The following IFT74 variants were observed in gnomAD, a reference collection of about 807,000 sequenced individuals.
The protein encoded by IFT74 is intraflagellar transport 74.
IFT74 carries 92 observed loss-of-function variants against 96.7 expected under a neutral mutation model. That is an observed-to-expected ratio of 0.95 (90% CI 0.80 to 1.13). The LOEUF (loss-of-function observed/expected upper bound fraction) is 1.13. Ranked by LOEUF, IFT74 falls within the 50% of genes most tolerant of loss-of-function variation. The pLI is 0.00. For missense variants in IFT74, 811 were observed against 698.2 expected (o/e 1.16, Z -1.82); for synonymous variants, 223 against 213.2 (o/e 1.05, Z -0.40).
intron 13 of IFT74, among the ~76,000 whole-genome samples, chr9:27,031,748 A>AAATAAAATAAAAT (rs1368788566): frequency 6.8e-6 from 1 of 146,358 alleles, no homozygotes; most frequent in East Asian, 2.0e-4. Context: ...AAATAAAATA[A>AAATAAAATAAAAT]AATAAAATAA....
At chr9:26,980,686 G>C (rs967767556) in intron 4 of IFT74, 67 bp downstream of exon 4, 3 of 1,019,904 alleles carry the variant, frequency 2.9e-6, no homozygotes, top group Non-Finnish European at 4.5e-6. Flanking sequence ...TGTCAAAATA[G>C]AGTATATAAC....
Position 26,948,448 on chromosome 9 carries a change from A to ATTTTTTTTTTTTTTTTTTTT in IFT74, c.-20+1323_-20+1342dup, listed in dbSNP as rs71841244. On this transcript the variant is annotated intron_variant, in intron 1 of 19. Transcript: ENST00000433700. ...TGACAACCTGTGATGGCTTTCCATTATTTTTTTTTTTTTTTTTTTTTTTTT... is the reference window on the plus strand; with the variant it reads ...TGACAACCTGTGATGGCTTTCCATTATTTTTTTTTTTTTTTTTTTTTTTTTTTTTTTTTTTTTTTTTTTTT... 2.5e-4 allele frequency among the ~76,000 whole-genome samples: 15 copies of ATTTTTTTTTTTTTTTTTTTT among 59,158 alleles called. 4 individuals carry two copies. Among genetic ancestry groups the ATTTTTTTTTTTTTTTTTTTT allele is most frequent in the Non-Finnish European group, 4.2e-4 (11 of 26,082 alleles). The allele number at this position is 59,158 out of a possible 152,430, so 38.8% of individuals were successfully genotyped here.
At chr9:26,965,243 T>C (rs1027568316) in intron 2 of IFT74, among the ~76,000 whole-genome samples, 5 of 152,150 alleles carry the variant, frequency 3.3e-5, no homozygotes, top group African/African-American at 1.2e-4. Context: ...AAAATGTCCA[T>C]AAATTTATCT....
intron 8 of IFT74, chr9:26,993,149 G>T: frequency 6.6e-6 from 1 of 151,882 alleles, no homozygotes; most frequent in Admixed American, 6.6e-5. Context: ...ATTTTTCTTT[G>T]TGTAGTCAGA....
chr9:27,014,893 T>G (rs1829270731), intron 10 of IFT74, among the ~76,000 whole-genome samples: 1 of 152,138 alleles, frequency 6.6e-6, no homozygotes, highest in African/African-American at 2.4e-5. Context: ...AGGCGTGAGC[T>G]ATCACGCCCA....
chr9:26,999,779 T>C, intron 8 of IFT74: 1 of 923,196 alleles, frequency 1.1e-6, no homozygotes, highest in Non-Finnish European at 1.5e-6. Context: ...TCTTTTTTTT[T>C]TTTTTTTTTT....
At position 27,026,177 on chromosome 9, in the gene IFT74, G is replaced by C. The variant is rs185249632; in HGVS notation, c.975-2848G>C. ...TGCAAATGGTCCCAAAAGCAAGTAG[G>C]AGTAGCTATTCTTATATTAGACAAA... On this transcript the variant is annotated intron_variant, in intron 12 of 19. Transcript: ENST00000380062. 5.9e-5 allele frequency among the ~76,000 whole-genome samples: 9 copies of C among 152,274 alleles called. No individual in the cohort carries two copies. In the South Asian group the frequency reaches 8.3e-4, roughly 14 times the overall value.
At chr9:27,006,601 AAGAC>A (rs1317273577) in intron 8 of IFT74, among the ~76,000 whole-genome samples, 6 of 149,208 alleles carry the variant, frequency 4.0e-5, no homozygotes, top group African/African-American at 1.5e-4. Context: ...TCAAGAAAGA[AAGAC>A]AGAAAGAGGG....
At chr9:26,954,365 C>G (rs888361699), upstream of IFT74, among the ~76,000 whole-genome samples, 2 of 152,192 alleles carry the variant, frequency 1.3e-5, no homozygotes, top group African/African-American at 4.8e-5. Context: ...AAACTTTAAC[C>G]AGTCAAATAA....
intron 12 of IFT74, among the ~76,000 whole-genome samples, chr9:27,020,982 C>G (rs1308333958): frequency 3.3e-5 from 5 of 152,132 alleles, no homozygotes; most frequent in Non-Finnish European, 7.4e-5. Flanking sequence ...CCTTTACGTC[C>G]TCATAGCTTA....
intron 1 of IFT74, chr9:26,947,524 A>T (rs1050661697): frequency 6.4e-6 from 1 of 155,134 alleles, no homozygotes; most frequent in African/African-American, 2.4e-5. Context: ...TGGCGTGGAC[A>T]TCCGGCGCGC....
At chr9:27,024,029 A>G (rs1296577019) in intron 12 of IFT74, among the ~76,000 whole-genome samples, 1 of 152,180 alleles carries the variant, frequency 6.6e-6, no homozygotes, top group Non-Finnish European at 1.5e-5. Context: ...CCCTCTTGAA[A>G]GTGCCACCTC....
At chr9:26,954,225 A>G (rs547685337), upstream of IFT74, among the ~76,000 whole-genome samples, 6 of 152,322 alleles carry the variant, frequency 3.9e-5, no homozygotes, top group Non-Finnish European at 8.8e-5. Flanking sequence ...ATTAGACTGA[A>G]GTCGCTCTAA....
At chr9:26,948,445 ATTATTTTTTTTTTTTTTTTTTTT>A (rs1825818744) in intron 1 of IFT74, among the ~76,000 whole-genome samples, 7 of 47,312 alleles carry the variant, frequency 1.5e-4, no homozygotes, top group African/African-American at 2.4e-4. Context: ...ATGGCTTTCC[ATTATTTTTTTTTTTTTTTTTTTT>A]TTTTTTTTTT....
intron 13 of IFT74, among the ~76,000 whole-genome samples, chr9:27,041,964 C>T (rs948432520): frequency 2.0e-5 from 3 of 152,130 alleles, no homozygotes; most frequent in Non-Finnish European, 4.4e-5. Context: ...AAATGTTAAC[C>T]AGTTACATCT....
At position 27,056,426 on chromosome 9, in the gene IFT74, A is replaced by G; in HGVS notation, c.1590A>G (p.Lys530=). ...AAAACATAGAGTATGAGGCACTAAA[A>G]ACACAATTGCAAGAAAATGAGACAC... ...EKQNIEYEAL[K]TQLQENETHS... The change falls in exon 18 of 20, where the codon AAA becomes AAG. Residue 530 remains lysine, a synonymous_variant. Coordinates refer to ENST00000380062, the MANE Select transcript of IFT74 (RefSeq NM_025103.4). The G allele has an allele frequency of 6.2e-7, 1 of 1,600,048 alleles. No individual in the cohort carries two copies. The highest frequency in any genetic ancestry group is 1.1e-5 in the South Asian group (1 of 87,678).
intron 13 of IFT74, among the ~76,000 whole-genome samples, chr9:27,041,149 T>C (rs770106970): frequency 1.3e-5 from 2 of 152,228 alleles, no homozygotes; most frequent in Non-Finnish European, 2.9e-5. Flanking sequence ...GTATACATTT[T>C]TGTATACTTG....
intron 13 of IFT74, chr9:27,036,385 T>C (rs572007952): frequency 3.8e-6 from 6 of 1,576,498 alleles, no homozygotes; most frequent in Admixed American, 1.9e-5. Context: ...TTATATGTAC[T>C]CTTTTTACCA....
At chr9:27,025,314 G>A (rs1309026958) in intron 12 of IFT74, among the ~76,000 whole-genome samples, 3 of 151,730 alleles carry the variant, frequency 2.0e-5, no homozygotes, top group East Asian at 3.9e-4. Flanking sequence ...ATGGTGGCAC[G>A]CACCTGTAGT....
Sources: allele counts gnomAD v4.1 joint callset (sites outside exome capture counted in the v4.1 genomes callset), GRCh38; gene constraint gnomAD v4.1.1; transcripts MANE v1.5; gene names NCBI Gene and HGNC (gene_info 2026-07-23, HGNC 2026-07-21).